OSBPL5: variants seen among roughly 807,000 people sequenced by gnomAD.
The protein encoded by OSBPL5 is oxysterol binding protein like 5, also known as oxysterol-binding protein-related protein 5.
In OSBPL5, 71 loss-of-function variants were observed where a neutral mutation model predicts 111.2. That is an observed-to-expected ratio of 0.64 (90% CI 0.53 to 0.78). OSBPL5 has a LOEUF of 0.78. Among genes scored for constraint, OSBPL5 ranks in the 30% least tolerant of loss-of-function variants. The probability of loss-of-function intolerance (pLI) is 0.00; values close to 1 mark genes in which losing one functional copy is unlikely to be tolerated. For missense variants in OSBPL5, 1,210 were observed against 1,189.3 expected, an observed-to-expected ratio of 1.02 and a Z score of -0.26; for synonymous variants, 549 against 513.9, an observed-to-expected ratio of 1.07 and a Z score of -0.93.
intron 12 of OSBPL5, among the ~76,000 whole-genome samples, chr11:3,101,974 C>T (rs1409332803): frequency 3.9e-5 from 6 of 152,218 alleles, no homozygotes; most frequent in African/African-American, 1.4e-4. Context: ...TGTCTGCTGT[C>T]ACAGTCATGG....
chr11:3,104,436 G>A lies in OSBPL5; in HGVS notation c.1060-59C>T, dbSNP rs927164443. 6.8e-5 allele frequency: 106 copies of A among 1,570,050 alleles called. No homozygotes were observed. The highest frequency in any genetic ancestry group is 8.3e-5 in the Non-Finnish European group (96 of 1,162,962). ...GGAAGAGCCGGGAGGAAGGGGTGGC[G>A]GGACAGTGGCAGCTCTGGCTGGAGG... On this transcript the variant is annotated intron_variant, in intron 9 of 21. Transcript: ENST00000263650. This position sits in a 1 kb window ranked among gnomAD's most constrained non-coding sequence, Gnocchi z 5.0.
rs1421937484 is a variant in OSBPL5 at position 3,110,354 on chromosome 11, C to T, written c.692-2409G>A. On this transcript the variant is annotated intron_variant, in intron 7 of 21. Coordinates refer to ENST00000263650, the MANE Select transcript of OSBPL5 (RefSeq NM_020896.4). The surrounding 1 kb of genome is among the most constrained non-coding windows in gnomAD (Gnocchi z 5.3). ...AACCTCAGGTTAGAGGGAGGAACGG[C>T]CAAGAGGGAATCCCTCCAGGTGGAG... Among the ~76,000 whole-genome samples, 2 of 152,228 alleles carry T rather than the reference C, an allele frequency of 1.3e-5. No individual in the cohort carries two copies. Among genetic ancestry groups the T allele is most frequent in the Admixed American group, 6.5e-5 (1 of 15,284 alleles).
intron 1 of OSBPL5, among the ~76,000 whole-genome samples, chr11:3,151,182 G>A (rs1846573371): frequency 6.6e-6 from 1 of 152,196 alleles, no homozygotes; most frequent in Non-Finnish European, 1.5e-5. Context: ...GGAGCTGGAA[G>A]AGGCAGGAAG....
chr11:3,105,356 G>A lies in OSBPL5; in HGVS notation c.1060-979C>T, dbSNP rs1392917201. 3.3e-5 allele frequency among the ~76,000 whole-genome samples: 5 copies of A among 152,142 alleles called. No homozygotes were observed. The highest frequency in any genetic ancestry group is 6.5e-5 in the Admixed American group (1 of 15,286). On this transcript the variant is annotated intron_variant, in intron 9 of 21. Coordinates refer to ENST00000263650, the MANE Select transcript of OSBPL5 (RefSeq NM_020896.4). This position sits in a 1 kb window ranked among gnomAD's most constrained non-coding sequence, Gnocchi z 5.2. ...CGCCTCTCTGTGCACGCATGGCCAC[G>A]GACAGATCCTGGTGGCACTGGCCCA... is the stretch of plus-strand genomic sequence containing the variant.
At chr11:3,157,643 C>A (rs1323869993) in intron 1 of OSBPL5, among the ~76,000 whole-genome samples, 1 of 152,258 alleles carries the variant, frequency 6.6e-6, no homozygotes, top group African/African-American at 2.4e-5. Flanking sequence ...AGAGTGTGAG[C>A]ACCCAGCAGC....
chr11:3,126,411 G>A lies in OSBPL5; in HGVS notation c.219+62C>T, dbSNP rs946714786. ...CGCCCTGCTGTCCTTTTCCCCAGCCGTTTCCTGCTGTCCCCAGAGCCAGGC... is the reference window on the plus strand; with the variant it reads ...CGCCCTGCTGTCCTTTTCCCCAGCCATTTCCTGCTGTCCCCAGAGCCAGGC... On this transcript the variant is annotated intron_variant, in intron 3 of 21. Transcript: ENST00000263650. This position sits in a 1 kb window ranked among gnomAD's most constrained non-coding sequence, Gnocchi z 6.5. The A allele has an allele frequency of 1.9e-5, 27 of 1,435,298 alleles. No individual in the cohort carries two copies. Among genetic ancestry groups the A allele is most frequent in the South Asian group, 7.0e-5 (5 of 71,544 alleles). 88.9% of individuals were successfully genotyped at this position (1,435,298 alleles called of 1,614,324 possible).
At chr11:3,108,199 T>C (rs1271647662) in intron 7 of OSBPL5, among the ~76,000 whole-genome samples, 2 of 152,150 alleles carry the variant, frequency 1.3e-5, no homozygotes, top group Admixed American at 6.5e-5. Context: ...AGACCCGGCC[T>C]GGGGACAGGT....
chr11:3,133,999 G>T (rs1255159906), intron 1 of OSBPL5, among the ~76,000 whole-genome samples: 3 of 151,818 alleles, frequency 2.0e-5, no homozygotes, highest in African/African-American at 4.8e-5. Flanking sequence ...GGGGTCACTA[G>T]ATGTATGTGG....
At position 3,087,734 on chromosome 11, in the gene OSBPL5, T is replaced by G. The variant is rs1856918938; in HGVS notation, c.*471A>C. On this transcript the variant is annotated 3_prime_UTR_variant, in exon 22 of 22. Transcript: ENST00000263650. ...GGCCCCACCAGGGTGGTCCCGGCAA[T>G]GTGGACAGGGTCTCCGGAAGGCAGG... 1 of 153,364 alleles carries G rather than the reference T, an allele frequency of 6.5e-6. No individual in the cohort carries two copies. The highest frequency in any genetic ancestry group is 1.5e-5 in the Non-Finnish European group (1 of 68,918). The allele number at this position is 153,364 out of a possible 1,614,324, so 9.5% of individuals were successfully genotyped here.
Position 3,093,602 on chromosome 11 carries a change from C to T in OSBPL5, c.1871G>A (p.Ser624Asn). 1.2e-6 allele frequency: 2 copies of T among 1,612,908 alleles called. No individual in the cohort carries two copies. The highest frequency in any genetic ancestry group is 1.7e-6 in the Non-Finnish European group (2 of 1,179,976). The part of the protein sequence containing the change: ...SGSSALFWTP[S>N]GEVRRQRLRQ... ...CAGCCTCTGTCTGCGGACCTCCCCG[C>T]TCGGGGTCCAGAAAAGCGCACTGCT... The change falls in exon 17 of 22, where the codon AGC becomes AAC. Residue 624 changes from serine (S) to asparagine (N), a missense_variant. Physicochemically the swap from Ser to Asn is conservative, Grantham distance 46 (BLOSUM62 1). Coordinates refer to ENST00000263650, the MANE Select transcript of OSBPL5 (RefSeq NM_020896.4).
Position 3,088,098 on chromosome 11 carries a change from A to C in OSBPL5, c.*107T>G, listed in dbSNP as rs1244780887. 4.5e-6 allele frequency: 5 copies of C among 1,123,364 alleles called. No homozygotes were observed. The African/African-American group carries it at 6.4e-5, about 14-fold the overall frequency. 69.6% of individuals were successfully genotyped at this position (1,123,364 alleles called of 1,614,324 possible). Reference sequence around the variant, plus strand: ...CTCCTGCGCCTGGACTCCCCGTCACAGTGGCTGTGCTTGCCGGGCCTCTCT... The same window carrying C: ...CTCCTGCGCCTGGACTCCCCGTCACCGTGGCTGTGCTTGCCGGGCCTCTCT... On this transcript the variant is annotated 3_prime_UTR_variant, in exon 22 of 22. Transcript: ENST00000263650.
At chr11:3,149,759 C>T (rs1290980554) in intron 1 of OSBPL5, among the ~76,000 whole-genome samples, 1 of 152,220 alleles carries the variant, frequency 6.6e-6, no homozygotes, top group East Asian at 1.9e-4. Context: ...CCGTCACTGA[C>T]CAGTCAACGG....
At chr11:3,160,672 T>TCCCCCCCCC (rs71035491) in intron 1 of OSBPL5, among the ~76,000 whole-genome samples, 29 of 122,530 alleles carry the variant, frequency 2.4e-4, no homozygotes, top group East Asian at 5.6e-4. Context: ...ATGACAACCC[T>TCCCCCCCCC]CCCCCCCCCC....
chr11:3,126,721 A>G lies in OSBPL5; in HGVS notation c.137-166T>C. The G allele has an allele frequency of 1.9e-6, 1 of 528,830 alleles. No individual in the cohort carries two copies. Among genetic ancestry groups the G allele is most frequent in the Non-Finnish European group, 3.4e-6 (1 of 297,696 alleles). 32.8% of individuals were successfully genotyped at this position (528,830 alleles called of 1,614,324 possible). A position where few individuals can be genotyped will look rare whatever the true frequency, so the allele number is the denominator to read the frequency against. Reference sequence around the variant, plus strand: ...AACAGGACACTGCCTGAGAGGTGTAATAAACGCCAGCAAGCGTCACTGTGG... The same window carrying G: ...AACAGGACACTGCCTGAGAGGTGTAGTAAACGCCAGCAAGCGTCACTGTGG... On this transcript the variant is annotated intron_variant, in intron 2 of 21. Coordinates refer to ENST00000263650, the MANE Select transcript of OSBPL5 (RefSeq NM_020896.4). The surrounding 1 kb of genome is among the most constrained non-coding windows in gnomAD (Gnocchi z 6.5).
chr11:3,128,410 G>C (rs963645698), intron 2 of OSBPL5, among the ~76,000 whole-genome samples: 9 of 152,250 alleles, frequency 5.9e-5, no homozygotes, highest in African/African-American at 2.2e-4. Flanking sequence ...AGCAGTCACA[G>C]CTCAGCCTTG....
chr11:3,113,118 A>T lies in OSBPL5; in HGVS notation c.692-5173T>A, dbSNP rs891820362. Among the ~76,000 whole-genome samples the T allele has an allele frequency of 6.6e-6, 1 of 152,234 alleles. No homozygotes were observed. Among genetic ancestry groups the T allele is most frequent in the Non-Finnish European group, 1.5e-5 (1 of 68,042 alleles). On this transcript the variant is annotated intron_variant, in intron 7 of 21. Transcript: ENST00000263650. The surrounding 1 kb of genome is among the most constrained non-coding windows in gnomAD (Gnocchi z 4.8). ...TAAATGCACTTGAATCAAATACTTGATCAGGAAAAAAGAAAAGACAAGTCA... is the reference window on the plus strand; with the variant it reads ...TAAATGCACTTGAATCAAATACTTGTTCAGGAAAAAAGAAAAGACAAGTCA...
chr11:3,135,999 G>A (rs1178080192), intron 1 of OSBPL5, among the ~76,000 whole-genome samples: 1 of 152,194 alleles, frequency 6.6e-6, no homozygotes, highest in Non-Finnish European at 1.5e-5. Context: ...GGGCATGAAA[G>A]ACCCCTTCCA....
In OSBPL5 at chr11:3,109,993, T is replaced by A. The variant is rs1366105958; in HGVS notation, c.692-2048A>T. Among the ~76,000 whole-genome samples, 4 of 152,056 alleles carry A rather than the reference T, an allele frequency of 2.6e-5. No homozygotes were observed. Among genetic ancestry groups the A allele is most frequent in the African/African-American group, 9.7e-5 (4 of 41,418 alleles). On this transcript the variant is annotated intron_variant, in intron 7 of 21. Transcript: ENST00000263650. The surrounding 1 kb of genome is among the most constrained non-coding windows in gnomAD (Gnocchi z 7.4). ...CAGCCCAACCTGCCTTATCTGATGG[T>A]TGGTTATCCACCTCACCCAGGAGCA...
At chr11:3,152,744 C>T (rs147969656) in intron 1 of OSBPL5, among the ~76,000 whole-genome samples, 1 of 152,002 alleles carries the variant, frequency 6.6e-6, no homozygotes, top group Non-Finnish European at 1.5e-5. Context: ...TTGATACACG[C>T]TGCTGGCTGT....
Sources: allele counts gnomAD v4.1 joint callset (sites outside exome capture counted in the v4.1 genomes callset), GRCh38; gene constraint gnomAD v4.1.1; non-coding constraint Gnocchi (gnomAD v3.1); transcripts MANE v1.5; gene names NCBI Gene and HGNC (gene_info 2026-07-23, HGNC 2026-07-21).